The following DOCK7 variants were observed in gnomAD, a reference collection of about 807,000 sequenced individuals.
The protein encoded by DOCK7 is dedicator of cytokinesis protein 7.
Under a neutral mutation model 271.0 loss-of-function variants are expected in DOCK7, and 138 were observed. The observed-to-expected ratio is 0.51, with a 90% CI of 0.44 to 0.59. DOCK7 has a LOEUF of 0.59. Among genes scored for constraint, DOCK7 ranks in the 20% least tolerant of loss-of-function variants. DOCK7 has a pLI of 0.00. For missense variants in DOCK7, 2,066 were observed against 2,592.4 expected (o/e 0.80, Z 4.41); for synonymous variants, 823 against 876.1 (o/e 0.94, Z 1.07).
intron 43 of DOCK7, among the ~76,000 whole-genome samples, chr1:62,481,194 T>G (rs1646115837): frequency 6.6e-6 from 1 of 151,978 alleles, no homozygotes; most frequent in South Asian, 2.1e-4. Flanking sequence ...CGAGTGTGTT[T>G]GAGGAACAGG....
intron 14 of DOCK7, among the ~76,000 whole-genome samples, chr1:62,602,928 A>G (rs1650366495): frequency 6.6e-6 from 1 of 151,904 alleles, no homozygotes; most frequent in Non-Finnish European, 1.5e-5. Context: ...TAAAATAAGC[A>G]AGATAAAATA....
At chr1:62,484,089 T>G (rs1047206923) in intron 43 of DOCK7, 2 of 152,164 alleles carry the variant, frequency 1.3e-5, no homozygotes, top group African/African-American at 4.8e-5. Flanking sequence ...TAGTGTGGAT[T>G]GAAGAAAATA....
intron 14 of DOCK7, among the ~76,000 whole-genome samples, chr1:62,617,034 G>A (rs1478944879): frequency 6.7e-6 from 1 of 148,722 alleles, no homozygotes; most frequent in Non-Finnish European, 1.5e-5. Flanking sequence ...AGAAAGATAC[G>A]AAAGCTTTCA....
chr1:62,639,426 C>CTTTTTTT (rs386367151), intron 7 of DOCK7, among the ~76,000 whole-genome samples: 5 of 75,866 alleles, frequency 6.6e-5, no homozygotes, highest in African/African-American at 1.8e-4. Context: ...TTGTAATACT[C>CTTTTTTT]TTTTTTTTTT....
At chr1:62,533,911 A>C (rs574255868) in intron 29 of DOCK7, among the ~76,000 whole-genome samples, 38 of 152,244 alleles carry the variant, frequency 2.5e-4, no homozygotes, top group African/African-American at 8.9e-4. Context: ...ACTACAAAAA[A>C]AAAATTTTAA....
chr1:62,519,226 C>T (rs10889338), intron 31 of DOCK7, among the ~76,000 whole-genome samples: 50,820 of 151,856 alleles, frequency 0.33, 8,674 homozygotes, highest in South Asian at 0.42. Flanking sequence ...TTAGAATAAG[C>T]ATGCAAAATT....
chr1:62,570,981 G>A (rs1646753958), intron 18 of DOCK7, among the ~76,000 whole-genome samples: 1 of 152,048 alleles, frequency 6.6e-6, no homozygotes, highest in African/African-American at 2.4e-5. Flanking sequence ...ACACCATTCA[G>A]GACACAGGCA....
At chr1:62,563,174 G>A (rs1052293924) in intron 18 of DOCK7, among the ~76,000 whole-genome samples, 5 of 152,044 alleles carry the variant, frequency 3.3e-5, no homozygotes, top group Non-Finnish European at 5.9e-5. Context: ...ACCCAGTAAC[G>A]AGCCCCCTCA....
In DOCK7 at chr1:62,658,847, G is replaced by A. The variant is rs556180552; in HGVS notation, c.144+4178C>T. ...ATGCACCTGTGGTCCCAGCTACTCC[G>A]ATGGCTGAGGTGGGAGAATTACTTG... On this transcript the variant is annotated intron_variant, in intron 2 of 49. Coordinates refer to ENST00000635253, the MANE Select transcript of DOCK7 (RefSeq NM_001367561.1). Among the ~76,000 whole-genome samples the A allele has an allele frequency of 2.0e-4, 31 of 152,020 alleles. 1 individual carries two copies. The highest frequency in any genetic ancestry group is 6.0e-4 in the African/African-American group (25 of 41,466).
intron 14 of DOCK7, chr1:62,607,890 T>A (rs1651229240): frequency 6.6e-6 from 1 of 152,162 alleles, no homozygotes; most frequent in African/African-American, 2.4e-5. Flanking sequence ...AAGATCAGCC[T>A]GTGCAACACG....
chr1:62,590,451 A>T (rs146729984), intron 14 of DOCK7, among the ~76,000 whole-genome samples: 8 of 152,218 alleles, frequency 5.3e-5, no homozygotes, highest in Non-Finnish European at 7.3e-5. Flanking sequence ...GTAATATATT[A>T]ACCTGAAGTA....
intron 2 of DOCK7, among the ~76,000 whole-genome samples, chr1:62,655,040 G>T (rs1322249269): frequency 2.6e-5 from 4 of 152,160 alleles, no homozygotes; most frequent in Non-Finnish European, 4.4e-5. Flanking sequence ...CACTGTGAGA[G>T]AATAAATTTC....
intron 1 of DOCK7, among the ~76,000 whole-genome samples, chr1:62,664,549 T>C (rs1222373046): frequency 1.3e-5 from 2 of 152,176 alleles, no homozygotes; most frequent in Non-Finnish European, 2.9e-5. Flanking sequence ...TATATCTTTA[T>C]TAGCAGCATG....
At chr1:62,634,487 A>C (rs943073957) in intron 9 of DOCK7, 1 of 197,598 alleles carries the variant, frequency 5.1e-6, no homozygotes, top group African/African-American at 2.3e-5. Context: ...GAAAGTTGAA[A>C]GTCTCATACT....
intron 14 of DOCK7, chr1:62,598,827 T>TA: frequency 7.1e-7 from 1 of 1,413,380 alleles, no homozygotes; most frequent in Non-Finnish European, 1.0e-6. Context: ...ATTTTAATGG[T>TA]ATGTCCCATC....
intron 21 of DOCK7, among the ~76,000 whole-genome samples, chr1:62,554,796 GTCC>G (rs1370669955): frequency 1.3e-5 from 2 of 152,172 alleles, no homozygotes; most frequent in African/African-American, 2.4e-5. Flanking sequence ...ACACATTCAT[GTCC>G]TCAAGTGGTA....
chr1:62,683,931 A>G (rs1160367867), intron 1 of DOCK7, among the ~76,000 whole-genome samples: 1 of 151,072 alleles, frequency 6.6e-6, no homozygotes, highest in Admixed American at 6.6e-5. Context: ...TATCTCAAGA[A>G]AAAAAAAAGC....
chr1:62,483,462 A>G (rs1646198805), intron 43 of DOCK7: 1 of 151,796 alleles, frequency 6.6e-6, no homozygotes, highest in Admixed American at 6.6e-5. Flanking sequence ...ACCAGAAAGT[A>G]TCTCCTCTTA....
At chr1:62,567,564 G>A (rs1416084020) in intron 18 of DOCK7, among the ~76,000 whole-genome samples, 1 of 152,072 alleles carries the variant, frequency 6.6e-6, no homozygotes, top group East Asian at 1.9e-4. Context: ...GAGGGCTAGG[G>A]GAGGGACAGC....
Sources: allele counts gnomAD v4.1 joint callset (sites outside exome capture counted in the v4.1 genomes callset), GRCh38; gene constraint gnomAD v4.1.1; transcripts MANE v1.5; gene names NCBI Gene and HGNC (gene_info 2026-07-23, HGNC 2026-07-21).